Variants in MEF2A observed in about 807,000 individuals in gnomAD.
MEF2A encodes the protein myocyte enhancer factor 2A, also known as myocyte-specific enhancer factor 2A.
Under a neutral mutation model 55.8 loss-of-function variants are expected in MEF2A, and 28 were observed. The ratio of observed to expected loss-of-function variants is 0.50; its 90% CI spans 0.37 to 0.69. MEF2A has a LOEUF of 0.69. Among genes scored for constraint, MEF2A ranks in the 30% least tolerant of loss-of-function variants. The probability of loss-of-function intolerance (pLI) is 0.00; values close to 1 mark genes in which losing one functional copy is unlikely to be tolerated. For missense variants in MEF2A, 528 were observed against 626.2 expected, an observed-to-expected ratio of 0.84 and a Z score of 1.67; for synonymous variants, 239 against 227.1, an observed-to-expected ratio of 1.05 and a Z score of -0.47.
intron 1 of MEF2A, among the ~76,000 whole-genome samples, chr15:99,578,148 T>C (rs968803558): frequency 5.3e-5 from 8 of 152,256 alleles, no homozygotes; most frequent in African/African-American, 1.9e-4. Context: ...CTGGAACTTA[T>C]CTGTGATACC....
At chr15:99,579,390 A>T (rs1965269953) in intron 1 of MEF2A, among the ~76,000 whole-genome samples, 1 of 142,216 alleles carries the variant, frequency 7.0e-6, no homozygotes. Context: ...TCTGGACTTT[A>T]TTTTTCTTTT....
At chr15:99,661,101 A>AT (rs1432000294) in intron 4 of MEF2A, among the ~76,000 whole-genome samples, 17 of 152,228 alleles carry the variant, frequency 1.1e-4, no homozygotes, top group Non-Finnish European at 1.8e-4. Context: ...ATATTTAGAT[A>AT]CTTAATATAT....
chr15:99,658,959 T>A (rs139254438), intron 4 of MEF2A, among the ~76,000 whole-genome samples: 2 of 152,274 alleles, frequency 1.3e-5, no homozygotes, highest in African/African-American at 4.8e-5. Flanking sequence ...TGGACGATGA[T>A]CTATGTCTAA....
intron 3 of MEF2A, among the ~76,000 whole-genome samples, 161 bp from the exon 4 acceptor site, chr15:99,645,400 T>C (rs924561336): frequency 2.6e-5 from 4 of 152,162 alleles, no homozygotes. Context: ...TGTAGGACTG[T>C]AGCACAACAG....
At chr15:99,678,524 T>C (rs1192324014) in intron 7 of MEF2A, 1 of 441,674 alleles carries the variant, frequency 2.3e-6, no homozygotes, top group Non-Finnish European at 3.0e-6. Flanking sequence ...AACCATATCA[T>C]TTTTACCAAT....
chr15:99,677,287 G>C (rs952384772), intron 7 of MEF2A, among the ~76,000 whole-genome samples: 69 of 152,116 alleles, frequency 4.5e-4, no homozygotes, highest in African/African-American at 1.6e-3. Context: ...CCAGAATTTG[G>C]AGTTACTAGG....
At chr15:99,635,768 A>G (rs1259085687) in intron 3 of MEF2A, among the ~76,000 whole-genome samples, 1 of 152,140 alleles carries the variant, frequency 6.6e-6, no homozygotes, top group Non-Finnish European at 1.5e-5. Context: ...TATCTTGTAC[A>G]TTTTCATTGA....
intron 2 of MEF2A, among the ~76,000 whole-genome samples, chr15:99,622,702 C>CTTTTTTTTTTTTTTTTTTTTTTTTTTT (rs56054040): frequency 3.7e-5 from 5 of 135,698 alleles, no homozygotes; most frequent in Non-Finnish European, 4.7e-5. Context: ...GTTTTCTTTT[C>CTTTTTTTTTTTTTTTTTTTTTTTTTTT]TTTTTTTTTT....
At chr15:99,604,849 A>G (rs900090973) in intron 2 of MEF2A, among the ~76,000 whole-genome samples, 11 of 152,126 alleles carry the variant, frequency 7.2e-5, no homozygotes, top group Non-Finnish European at 1.5e-4. Flanking sequence ...TTTACTGCCC[A>G]TTAAGGTTAT....
intron 2 of MEF2A, among the ~76,000 whole-genome samples, chr15:99,604,247 C>T (rs945240950): frequency 6.6e-6 from 1 of 152,110 alleles, no homozygotes; most frequent in Non-Finnish European, 1.5e-5. Flanking sequence ...CCCACTTACT[C>T]CAGGTTTTTG....
intron 1 of MEF2A, among the ~76,000 whole-genome samples, chr15:99,590,804 A>T (rs1310637162): frequency 1.3e-5 from 2 of 151,892 alleles, no homozygotes; most frequent in African/African-American, 2.4e-5. Flanking sequence ...CATTGATTTT[A>T]TTCTACATGT....
intron 9 of MEF2A, among the ~76,000 whole-genome samples, chr15:99,704,176 T>C (rs564142513): frequency 3.3e-5 from 5 of 152,286 alleles, no homozygotes; most frequent in East Asian, 1.9e-4. Flanking sequence ...AGGTTAAGAG[T>C]GCATGAAAGC....
intron 3 of MEF2A, among the ~76,000 whole-genome samples, chr15:99,635,415 C>G (rs763913191): frequency 6.6e-6 from 1 of 152,096 alleles, no homozygotes; most frequent in Non-Finnish European, 1.5e-5. Flanking sequence ...CTGGTGAAAC[C>G]TTATGTTTGT....
At chr15:99,649,675 C>T (rs574126765) in intron 4 of MEF2A, among the ~76,000 whole-genome samples, 2 of 152,084 alleles carry the variant, frequency 1.3e-5, no homozygotes, top group South Asian at 4.2e-4. Context: ...CTAGGTATGT[C>T]CTAGAGTGTA....
At chr15:99,643,271 T>G (rs1040959061) in intron 3 of MEF2A, among the ~76,000 whole-genome samples, 5 of 152,198 alleles carry the variant, frequency 3.3e-5, no homozygotes, top group Non-Finnish European at 5.9e-5. Flanking sequence ...CACTTTTAGA[T>G]GTCTTAGAAA....
chr15:99,642,785 C>G (rs960806410), intron 3 of MEF2A, among the ~76,000 whole-genome samples: 1 of 152,224 alleles, frequency 6.6e-6, no homozygotes, highest in African/African-American at 2.4e-5. Context: ...TCAGAGGACA[C>G]TGCCACTTTT....
At chr15:99,570,291 G>A (rs935578911) in intron 1 of MEF2A, among the ~76,000 whole-genome samples, 11 of 152,106 alleles carry the variant, frequency 7.2e-5, no homozygotes, top group Non-Finnish European at 1.3e-4. Context: ...ATACCAACCC[G>A]GGCATGTCTT....
At chr15:99,584,291 T>C (rs1966750671) in intron 1 of MEF2A, among the ~76,000 whole-genome samples, 1 of 152,144 alleles carries the variant, frequency 6.6e-6, no homozygotes. Context: ...AAGGCAGTGA[T>C]ACAGAAAATC....
Position 99,674,393 on chromosome 15 carries a change from C to A in MEF2A, c.391C>A (p.Pro131Thr), listed in dbSNP as rs1244309168. The change falls in exon 6 of 12, where the codon CCT becomes ACT. Residue 131 changes from proline (P) to threonine (T), a missense_variant and splice_region_variant. Around this residue, in one of 2 missense-constraint regions of MEF2A, gnomAD observed 450 missense variants for 475.3 expected, o/e 0.95. Transcript: ENST00000557942. ...TTTCCTTCTTTTTCTTTATTTACAG[C>A]CTGGTCTGCCACCTCAGAACTTTTC... The part of the protein sequence containing the change: ...DSDFIFKRGP[P>T]GLPPQNFSMS... 2 of 1,594,688 alleles carry A rather than the reference C, an allele frequency of 1.3e-6. No individual in the cohort carries two copies. The highest frequency in any genetic ancestry group is 1.7e-6 in the Non-Finnish European group (2 of 1,166,810).
Sources: allele counts gnomAD v4.1 joint callset (sites outside exome capture counted in the v4.1 genomes callset), GRCh38; gene constraint gnomAD v4.1.1; regional missense constraint gnomAD v4.1.1; transcripts MANE v1.5; gene names NCBI Gene and HGNC (gene_info 2026-07-23, HGNC 2026-07-21).